YEATS2: variants seen among roughly 807,000 people sequenced by gnomAD.
YEATS2 encodes the protein YEATS domain-containing protein 2.
A neutral mutation model predicts 163.2 loss-of-function variants in YEATS2; 77 were observed. The ratio of observed to expected loss-of-function variants is 0.47; its 90% CI spans 0.39 to 0.57. The LOEUF is 0.57. Ranked by LOEUF, YEATS2 falls within the 20% of genes least tolerant of loss-of-function variation. The pLI, the probability that YEATS2 is intolerant of heterozygous loss-of-function variation, is 0.00. For missense variants in YEATS2, 1,549 were observed against 1,729.8 expected (o/e 0.90, Z 1.85); for synonymous variants, 631 against 645.1 (o/e 0.98, Z 0.33).
rs186526523 is a variant in YEATS2 at position 183,758,888 on chromosome 3, G to A, written c.1579G>A (p.Ala527Thr). Residue 527 changes from alanine (A) to threonine (T), a missense_variant, in exon 13 of 31, where the codon GCT becomes ACT. Ala to Thr is a moderately conservative substitution (Grantham distance 58). Coordinates refer to ENST00000305135, the MANE Select transcript of YEATS2 (RefSeq NM_018023.5). Reference protein sequence around the residue: ...TGSPTNKISTASQVSQGTGSP... With the variant: ...TGSPTNKISTTSQVSQGTGSP... ...AAGTCCTACAAACAAGATCTCCACG[G>A]CTTCTCAGGTCTCCCAAGGAACAGG... 6.3e-7 allele frequency: 1 copy of A among 1,595,832 alleles called. No homozygotes were observed.
At chr3:183,710,212 A>G (rs1715053746) in intron 1 of YEATS2, among the ~76,000 whole-genome samples, 1 of 152,178 alleles carries the variant, frequency 6.6e-6, no homozygotes, top group Non-Finnish European at 1.5e-5. Flanking sequence ...TTTTGTTTCC[A>G]AGTTGAATTG....
intron 15 of YEATS2, among the ~76,000 whole-genome samples, chr3:183,763,066 A>G (rs889658010): frequency 2.8e-5 from 2 of 71,236 alleles, no homozygotes; most frequent in East Asian, 3.3e-3. Context: ...AATAAAAATT[A>G]AAAAATTAAA....
At chr3:183,779,698 A>G (rs994268899) in intron 19 of YEATS2, among the ~76,000 whole-genome samples, 1 of 151,210 alleles carries the variant, frequency 6.6e-6, no homozygotes, top group Non-Finnish European at 1.5e-5. Context: ...TTATTTATTT[A>G]TTTTTTATAT....
chr3:183,743,252 C>G (rs1719164984), intron 8 of YEATS2, among the ~76,000 whole-genome samples: 1 of 152,168 alleles, frequency 6.6e-6, no homozygotes, highest in Non-Finnish European at 1.5e-5. Context: ...AAAGTTGGAG[C>G]AACTGAAATA....
At chr3:183,734,657 A>T (rs1447248707) in intron 7 of YEATS2, among the ~76,000 whole-genome samples, 1 of 152,182 alleles carries the variant, frequency 6.6e-6, no homozygotes, top group African/African-American at 2.4e-5. Flanking sequence ...GAGGTAGAAG[A>T]AGTCATTTTG....
chr3:183,762,016 C>A, intron 14 of YEATS2, 81 bp from the exon 15 acceptor site: 2 of 1,568,836 alleles, frequency 1.3e-6, no homozygotes, highest in South Asian at 2.2e-5. Flanking sequence ...TCCCTGCAAA[C>A]GGAGAAGAGT....
intron 19 of YEATS2, among the ~76,000 whole-genome samples, chr3:183,781,446 C>T (rs187675459): frequency 2.0e-5 from 3 of 152,260 alleles, no homozygotes; most frequent in Non-Finnish European, 2.9e-5. Context: ...TGTCTGCCCA[C>T]GTTGGCGAGG....
intron 7 of YEATS2, among the ~76,000 whole-genome samples, chr3:183,733,457 T>C (rs1718016003): frequency 6.6e-6 from 1 of 152,236 alleles, no homozygotes; most frequent in Admixed American, 6.5e-5. Flanking sequence ...TATATTCCTT[T>C]TAAAATAACC....
At chr3:183,792,919 T>G (rs1287847709) in intron 21 of YEATS2, among the ~76,000 whole-genome samples, 1 of 152,256 alleles carries the variant, frequency 6.6e-6, no homozygotes, top group Non-Finnish European at 1.5e-5. Context: ...AATATTGATG[T>G]ATTTGATTAC....
chr3:183,704,043 T>TA (rs1303771646), intron 1 of YEATS2, among the ~76,000 whole-genome samples: 1 of 151,432 alleles, frequency 6.6e-6, no homozygotes, highest in Non-Finnish European at 1.5e-5. Flanking sequence ...CCCAGCTACT[T>TA]AGGAGGCTGA....
At chr3:183,808,380 A>C (rs1310397063) in intron 29 of YEATS2, among the ~76,000 whole-genome samples, 2 of 152,108 alleles carry the variant, frequency 1.3e-5, no homozygotes, top group Non-Finnish European at 2.9e-5. Flanking sequence ...GAGGTGGCAG[A>C]GACAAAGCCT....
intron 9 of YEATS2, among the ~76,000 whole-genome samples, chr3:183,748,087 A>G (rs2109256800): frequency 6.6e-6 from 1 of 151,784 alleles, no homozygotes; most frequent in Middle Eastern, 3.4e-3. Context: ...TTCTCACACT[A>G]TTATAAATAA....
chr3:183,776,214 CA>C (rs1456252823), intron 18 of YEATS2, 91 bp downstream of exon 18: 2 of 1,301,208 alleles, frequency 1.5e-6, no homozygotes, highest in Non-Finnish European at 2.1e-6. Context: ...GCTCTGGGAT[CA>C]GGGTTCAATA....
chr3:183,803,571 T>C (rs998254562), intron 26 of YEATS2: 1 of 571,882 alleles, frequency 1.7e-6, no homozygotes, highest in African/African-American at 1.9e-5. Flanking sequence ...TTTCAGAGTT[T>C]TAAATGAACT....
Position 183,811,462 on chromosome 3 carries a change from C to A in YEATS2, c.*879C>A, listed in dbSNP as rs1396402419. 6.5e-6 allele frequency: 1 copy of A among 152,720 alleles called. No individual in the cohort carries two copies. Among genetic ancestry groups the A allele is most frequent in the Non-Finnish European group, 1.5e-5 (1 of 68,110 alleles). The allele number at this position is 152,720 out of a possible 1,614,324, so 9.5% of individuals were successfully genotyped here. On this transcript the variant is annotated 3_prime_UTR_variant, in exon 31 of 31. Transcript: ENST00000305135. ...GGGGAGCGGCGCCCGGCAGGCTCTT[C>A]TGGGGTCGTCTGTCCTATCCGTGGA...
intron 11 of YEATS2, 146 bp from the exon 12 acceptor site, chr3:183,756,382 G>A (rs1720767765): frequency 3.0e-6 from 2 of 657,344 alleles, no homozygotes; most frequent in South Asian, 2.6e-5. Flanking sequence ...TTGCTGCTCA[G>A]TACCGGGAGC....
chr3:183,779,279 T>C (rs1285354820), intron 19 of YEATS2, among the ~76,000 whole-genome samples: 1 of 152,208 alleles, frequency 6.6e-6, no homozygotes, highest in African/African-American at 2.4e-5. Context: ...GGTTTATCAG[T>C]TGTATTGATC....
At chr3:183,705,154 A>G (rs1245972264) in intron 1 of YEATS2, among the ~76,000 whole-genome samples, 1 of 151,530 alleles carries the variant, frequency 6.6e-6, no homozygotes, top group Non-Finnish European at 1.5e-5. Flanking sequence ...GGCTCAAGCA[A>G]TCCTCCTACC....
At chr3:183,787,436 G>C (rs1238532755) in intron 20 of YEATS2, among the ~76,000 whole-genome samples, 1 of 151,774 alleles carries the variant, frequency 6.6e-6, no homozygotes, top group Non-Finnish European at 1.5e-5. Context: ...ATCTCATTGT[G>C]GTTTTGATTT....
Sources: allele counts gnomAD v4.1 joint callset (sites outside exome capture counted in the v4.1 genomes callset), GRCh38; gene constraint gnomAD v4.1.1; transcripts MANE v1.5; gene names NCBI Gene and HGNC (gene_info 2026-07-23, HGNC 2026-07-21).